The following CUX1 variants were observed in gnomAD, a reference collection of about 807,000 sequenced individuals.
The protein encoded by CUX1 is cut like homeobox 1, also known as protein CASP.
In CUX1, 31 loss-of-function variants were observed where a neutral mutation model predicts 158.8. The observed-to-expected ratio is 0.20, with a 90% CI of 0.15 to 0.26. The LOEUF is 0.26. Among genes scored for constraint, CUX1 ranks in the 10% least tolerant of loss-of-function variants. The probability of loss-of-function intolerance (pLI) is 1.00; values close to 1 mark genes in which losing one functional copy is unlikely to be tolerated. For synonymous variants in CUX1, 879 were observed against 862.1 expected (o/e 1.02, Z -0.34); for missense variants, 1,589 against 2,014.6 (o/e 0.79, Z 4.04).
chr7:102,001,082 G>T (rs1447097938), intron 2 of CUX1, among the ~76,000 whole-genome samples: 1 of 152,016 alleles, frequency 6.6e-6, no homozygotes, highest in East Asian at 1.9e-4. Context: ...CCTGGCCATA[G>T]GGGAAGATAT....
chr7:101,917,087 C>T (rs1283128688), intron 2 of CUX1, among the ~76,000 whole-genome samples: 2 of 152,198 alleles, frequency 1.3e-5, no homozygotes, highest in African/African-American at 4.8e-5. Context: ...AGCTTCGGCC[C>T]GGCTTCCGGG....
chr7:102,215,725 A>G (rs1485318545), intron 20 of CUX1, among the ~76,000 whole-genome samples: 1 of 152,110 alleles, frequency 6.6e-6, no homozygotes, highest in Non-Finnish European at 1.5e-5. Flanking sequence ...GAGTTCACTC[A>G]CCTGGGCATT....
intron 2 of CUX1, among the ~76,000 whole-genome samples, chr7:101,953,157 C>T (rs1299929882): frequency 6.6e-6 from 1 of 152,132 alleles, no homozygotes; most frequent in Non-Finnish European, 1.5e-5. Flanking sequence ...GGAAGGCCTC[C>T]CAGCCATTTC....
intron 8 of CUX1, among the ~76,000 whole-genome samples, chr7:102,148,935 A>T (rs1479462267): frequency 3.3e-5 from 5 of 151,418 alleles, no homozygotes; most frequent in African/African-American, 9.7e-5. Context: ...TTGGTTTTCC[A>T]TTCCTGAGTT....
chr7:102,010,616 T>C (rs1817888862), intron 2 of CUX1, among the ~76,000 whole-genome samples: 1 of 152,148 alleles, frequency 6.6e-6, no homozygotes, highest in Admixed American at 6.6e-5. Flanking sequence ...TTTGTATGTG[T>C]GTGTGCGTAT....
intron 10 of CUX1, among the ~76,000 whole-genome samples, chr7:102,172,125 G>A (rs927665503): frequency 2.0e-5 from 3 of 152,002 alleles, no homozygotes; most frequent in East Asian, 1.9e-4. Flanking sequence ...TTCTTCTGTC[G>A]CCCAGGCTGG....
intron 14 of CUX1, among the ~76,000 whole-genome samples, chr7:102,272,102 G>A (rs868989725): frequency 3.3e-5 from 5 of 152,254 alleles, no homozygotes; most frequent in African/African-American, 4.8e-5. Context: ...GACAGAGCTG[G>A]GGGTGGATGC....
At chr7:102,135,767 G>A (rs1833839205) in intron 8 of CUX1, among the ~76,000 whole-genome samples, 2 of 152,038 alleles carry the variant, frequency 1.3e-5, no homozygotes, top group South Asian at 4.2e-4. Flanking sequence ...TTGAGGTCAC[G>A]AGTTCAAGAC....
At chr7:102,011,891 C>T (rs752054770) in intron 2 of CUX1, among the ~76,000 whole-genome samples, 7 of 151,734 alleles carry the variant, frequency 4.6e-5, no homozygotes, top group African/African-American at 7.3e-5. Context: ...ATGGTGTGAT[C>T]GCTGGTCCCT....
chr7:102,260,726 G>A (rs888952734), downstream of CUX1, among the ~76,000 whole-genome samples: 22 of 151,982 alleles, frequency 1.4e-4, 1 homozygote, highest in African/African-American at 4.1e-4. Context: ...ACCCAGCCGC[G>A]TTCCTTATTT....
intron 1 of CUX1, among the ~76,000 whole-genome samples, chr7:101,852,983 A>G (rs28632115): frequency 0.062 from 9,457 of 152,150 alleles, 1,006 homozygotes; most frequent in African/African-American, 0.21. Context: ...TGGCCTCTGC[A>G]TTGAATTCTT....
At position 102,239,563 on chromosome 7, in the gene CUX1, T is replaced by C; in HGVS notation, c.3866T>C (p.Ile1289Thr). 4 of 1,613,598 alleles carry C rather than the reference T, an allele frequency of 2.5e-6. No homozygotes were observed. The highest frequency in any genetic ancestry group is 3.4e-6 in the Non-Finnish European group (4 of 1,179,590). Residue 1289 changes from isoleucine (I) to threonine (T), a missense_variant, in exon 23 of 24, where the codon ATC (isoleucine) becomes ACC (threonine). By Grantham distance (89) the Ile-to-Thr change is moderately conservative. This residue lies in a region of CUX1 where 5 missense variants were observed against 32.6 expected (regional missense o/e 0.15). Coordinates refer to ENST00000292535, the MANE Select transcript of CUX1 (RefSeq NM_181552.4). Reference protein sequence around the residue: ...TQLNLKTSTVINWFHNYRSRI... With the variant: ...TQLNLKTSTVTNWFHNYRSRI... ...CTCAACCTGAAAACCAGCACCGTCA[T>C]CAACTGGTTCCACAACTACAGGTAC...
chr7:102,265,212 C>T (rs913307657), intron 14 of CUX1, among the ~76,000 whole-genome samples: 8 of 151,832 alleles, frequency 5.3e-5, no homozygotes, highest in African/African-American at 9.7e-5. Context: ...AAAAATTAGC[C>T]GGGCATGGTA....
intron 2 of CUX1, among the ~76,000 whole-genome samples, chr7:101,969,542 G>C (rs116478857): frequency 6.4e-4 from 97 of 152,258 alleles, no homozygotes; most frequent in African/African-American, 2.2e-3. Context: ...ATTCTGATGT[G>C]AAGTCAGCCC....
intron 1 of CUX1, chr7:101,913,242 C>T: frequency 3.7e-6 from 2 of 541,194 alleles, no homozygotes; most frequent in South Asian, 1.8e-5. Flanking sequence ...TCAGTCTCTC[C>T]TCCTCGCTGT....
intron 10 of CUX1, among the ~76,000 whole-genome samples, chr7:102,176,144 G>A (rs28660344): frequency 0.057 from 8,655 of 152,336 alleles, 829 homozygotes; most frequent in African/African-American, 0.2. Flanking sequence ...GAAGCAGGAA[G>A]GAGTACCCTC....
chr7:102,277,364 G>A (rs1554547948), intron 17 of CUX1, among the ~76,000 whole-genome samples: 2 of 152,034 alleles, frequency 1.3e-5, no homozygotes. Flanking sequence ...GGGAGGCAGA[G>A]ATGGGTGGAT....
chr7:101,941,363 G>A (rs1807696673), intron 2 of CUX1, among the ~76,000 whole-genome samples: 1 of 152,186 alleles, frequency 6.6e-6, no homozygotes, highest in Non-Finnish European at 1.5e-5. Flanking sequence ...CGCTGCATGG[G>A]GAGACCTCCT....
At chr7:102,158,453 G>A in intron 8 of CUX1, 107 bp from the exon 9 acceptor site, 1 of 1,064,318 alleles carries the variant, frequency 9.4e-7, no homozygotes, top group Non-Finnish European at 1.4e-6. Flanking sequence ...TTGACTCACG[G>A]GTCTGCACAG....
Sources: allele counts gnomAD v4.1 joint callset (sites outside exome capture counted in the v4.1 genomes callset), GRCh38; gene constraint gnomAD v4.1.1; regional missense constraint gnomAD v4.1.1; transcripts MANE v1.5; gene names NCBI Gene and HGNC (gene_info 2026-07-23, HGNC 2026-07-21).